EYS: variants seen among roughly 807,000 people sequenced by gnomAD.
EYS encodes protein eyes shut homolog.
In EYS, 250 loss-of-function variants were observed where a neutral mutation model predicts 282.1. The observed-to-expected ratio is 0.89, with a 90% CI of 0.80 to 0.98. EYS has a LOEUF of 0.98. Ranked by LOEUF, EYS falls within the 50% of genes least tolerant of loss-of-function variation. The pLI is 0.00. For missense variants in EYS, 4,016 were observed against 3,709.0 expected, an observed-to-expected ratio of 1.08 and a Z score of -2.15; for synonymous variants, 1,355 against 1,282.9, an observed-to-expected ratio of 1.06 and a Z score of -1.20.
intron 30 of EYS, among the ~76,000 whole-genome samples, chr6:64,290,876 C>T (rs1338757352): frequency 1.8e-5 from 1 of 55,300 alleles, no homozygotes; most frequent in Non-Finnish European, 3.9e-5. Flanking sequence ...CTTTGTGGGT[C>T]ATGCATTTCT....
At chr6:65,626,167 A>C (rs1404992610) in intron 2 of EYS, among the ~76,000 whole-genome samples, 2 of 152,136 alleles carry the variant, frequency 1.3e-5, no homozygotes, top group African/African-American at 4.8e-5. Flanking sequence ...GATACAAAGC[A>C]CTTATAGTCA....
At chr6:64,819,165 A>G (rs1393310142) in intron 21 of EYS, among the ~76,000 whole-genome samples, 1 of 152,164 alleles carries the variant, frequency 6.6e-6, no homozygotes, top group East Asian at 1.9e-4. Flanking sequence ...TAAAATAAAT[A>G]GGGCAGCTAG....
At chr6:64,868,233 G>A (rs1392119459) in intron 19 of EYS, among the ~76,000 whole-genome samples, 1 of 151,290 alleles carries the variant, frequency 6.6e-6, no homozygotes, top group Non-Finnish European at 1.5e-5. Context: ...GACAAGTGTG[G>A]TTTATAATCC....
intron 30 of EYS, among the ~76,000 whole-genome samples, chr6:64,299,676 C>CTT (rs1769166647): frequency 6.6e-6 from 1 of 152,182 alleles, no homozygotes; most frequent in African/African-American, 2.4e-5. Flanking sequence ...GAAACAGCTG[C>CTT]TTAAAGCTGG....
At chr6:63,995,440 G>T (rs1429002968) in intron 34 of EYS, among the ~76,000 whole-genome samples, 1 of 151,904 alleles carries the variant, frequency 6.6e-6, no homozygotes, top group Non-Finnish European at 1.5e-5. Flanking sequence ...AAATTTATGA[G>T]CACGGTTGGT....
At chr6:64,530,701 C>T (rs1445783949) in intron 26 of EYS, among the ~76,000 whole-genome samples, 1 of 152,084 alleles carries the variant, frequency 6.6e-6, no homozygotes, top group Non-Finnish European at 1.5e-5. Flanking sequence ...GATATAACAA[C>T]TCTTTATTGT....
intron 12 of EYS, among the ~76,000 whole-genome samples, chr6:65,072,995 C>T (rs528119417): frequency 7.3e-5 from 11 of 151,046 alleles, no homozygotes; most frequent in South Asian, 2.1e-4. Flanking sequence ...AAACATTATA[C>T]GACATTATAT....
At chr6:64,277,032 G>A (rs1474566339) in intron 30 of EYS, among the ~76,000 whole-genome samples, 4 of 151,998 alleles carry the variant, frequency 2.6e-5, no homozygotes, top group African/African-American at 9.7e-5. Flanking sequence ...TATATTCTAT[G>A]GTAGCATTTT....
At chr6:63,727,737 AATATAT>A (rs70999122) in intron 41 of EYS, among the ~76,000 whole-genome samples, 3 of 36,738 alleles carry the variant, frequency 8.2e-5, no homozygotes, top group Non-Finnish European at 4.3e-5. Context: ...AAAAAAAAAA[AATATAT>A]ATATATATGT....
intron 33 of EYS, among the ~76,000 whole-genome samples, chr6:64,017,972 A>AT (rs1768976977): frequency 6.6e-6 from 1 of 152,204 alleles, no homozygotes; most frequent in Non-Finnish European, 1.5e-5. Context: ...TTTGTATAAG[A>AT]AATAATATGT....
chr6:64,657,958 G>T (rs7450442), intron 22 of EYS, among the ~76,000 whole-genome samples: 97,312 of 152,030 alleles, frequency 0.64, 31,376 homozygotes, highest in African/African-American at 0.71. Context: ...GTTTTCCAAC[G>T]TGGTTCCATT....
At chr6:65,163,024 T>G (rs1020237744) in intron 12 of EYS, among the ~76,000 whole-genome samples, 1 of 151,128 alleles carries the variant, frequency 6.6e-6, no homozygotes, top group African/African-American at 2.4e-5. Flanking sequence ...ATCCCTTCAG[T>G]ACTAAATTGC....
At chr6:65,179,086 C>T (rs1420983291) in intron 12 of EYS, among the ~76,000 whole-genome samples, 1 of 152,044 alleles carries the variant, frequency 6.6e-6, no homozygotes, top group Non-Finnish European at 1.5e-5. Flanking sequence ...ATTTATAGCA[C>T]TAAATGCCCG....
chr6:65,565,277 A>AAAAAAAAAAAAT (rs1769228425), intron 2 of EYS, among the ~76,000 whole-genome samples: 1 of 115,510 alleles, frequency 8.7e-6, no homozygotes, highest in Admixed American at 9.9e-5. Context: ...AAAAAAAAAA[A>AAAAAAAAAAAAT]GTGGGTGAAG....
chr6:65,614,119 T>C (rs1003657753), intron 2 of EYS, among the ~76,000 whole-genome samples: 1 of 151,988 alleles, frequency 6.6e-6, no homozygotes, highest in Admixed American at 6.6e-5. Flanking sequence ...TTCCATTATC[T>C]TTAGGTTTAT....
At chr6:64,993,470 C>A (rs146573008) in intron 14 of EYS, among the ~76,000 whole-genome samples, 10 of 150,040 alleles carry the variant, frequency 6.7e-5, no homozygotes, top group South Asian at 4.2e-4. Context: ...AGCAAACTAC[C>A]GCAAGGACAA....
Position 64,018,759 on chromosome 6 carries a change from G to GTTTTTTTTTTTTTTTTTTTT in EYS, c.6726-19596_6726-19577dup, listed in dbSNP as rs1163533009. 1.1e-4 allele frequency among the ~76,000 whole-genome samples: 6 copies of GTTTTTTTTTTTTTTTTTTTT among 53,890 alleles called. 3 individuals carry two copies. The East Asian group carries it at 2.8e-3, about 25-fold the overall frequency. 35.4% of individuals were successfully genotyped at this position (53,890 alleles called of 152,430 possible). On this transcript the variant is annotated intron_variant, in intron 33 of 42. Transcript: ENST00000503581. ...GAGTGTCCTGAATGTCATCACAAGT[G>GTTTTTTTTTTTTTTTTTTTT]TTTTTTTTTTTTTTTTTTTTTTTTT...
intron 33 of EYS, among the ~76,000 whole-genome samples, chr6:64,048,460 C>G (rs1414190962): frequency 1.3e-5 from 2 of 152,054 alleles, no homozygotes; most frequent in Admixed American, 6.6e-5. Context: ...TCATAGTCAT[C>G]CGTGCTGTGA....
At chr6:65,569,217 C>T (rs1764394129) in intron 2 of EYS, among the ~76,000 whole-genome samples, 1 of 152,046 alleles carries the variant, frequency 6.6e-6, no homozygotes, top group African/African-American at 2.4e-5. Context: ...CCTTGTGACC[C>T]CCGCCCCTGC....
Sources: allele counts gnomAD v4.1 joint callset (sites outside exome capture counted in the v4.1 genomes callset), GRCh38; gene constraint gnomAD v4.1.1; transcripts MANE v1.5; gene names NCBI Gene and HGNC (gene_info 2026-07-23, HGNC 2026-07-21).